Variants in HIP1 observed in about 807,000 individuals in gnomAD.
The protein encoded by HIP1 is huntingtin-interacting protein 1.
In HIP1, 65 loss-of-function variants were observed where a neutral mutation model predicts 147.6. The observed-to-expected ratio is 0.44, with a 90% CI of 0.36 to 0.54. The LOEUF (loss-of-function observed/expected upper bound fraction) is 0.54. HIP1 is among the 20% of genes least tolerant of loss of function. The probability of loss-of-function intolerance (pLI) is 0.00; values close to 1 mark genes in which losing one functional copy is unlikely to be tolerated. For synonymous variants in HIP1, 479 were observed against 504.0 expected (o/e 0.95, Z 0.67); for missense variants, 1,061 against 1,299.6 (o/e 0.82, Z 2.82).
chr7:75,550,186 T>C (rs1584782904), intron 22 of HIP1, among the ~76,000 whole-genome samples: 2 of 152,152 alleles, frequency 1.3e-5, no homozygotes, highest in South Asian at 4.1e-4. Flanking sequence ...TAAAACATGA[T>C]GTGTTATACA....
In HIP1 at chr7:75,556,308, G is replaced by A. The variant is rs587768224; in HGVS notation, c.1684-139C>T. On this transcript the variant is annotated intron_variant, in intron 17 of 30. Coordinates refer to ENST00000336926, the MANE Select transcript of HIP1 (RefSeq NM_005338.7). ...TAACCTGCCACTCTGATTCCCTCCC[G>A]GGGACACACTGATTGCAGTGGGGGC... The A allele has an allele frequency of 3.5e-5, 38 of 1,071,052 alleles. No individual in the cohort carries two copies. The African/African-American group carries it at 4.9e-4, about 14-fold the overall frequency. 66.3% of individuals were successfully genotyped at this position (1,071,052 alleles called of 1,614,324 possible). A position where few individuals can be genotyped will look rare whatever the true frequency, so the allele number is the denominator to read the frequency against.
chr7:75,663,028 A>G (rs1799365292), intron 1 of HIP1, among the ~76,000 whole-genome samples: 1 of 152,178 alleles, frequency 6.6e-6, no homozygotes, highest in African/African-American at 2.4e-5. Context: ...TGCAAGCCAC[A>G]GTTGCCCATC....
chr7:75,551,834 T>G (rs1010267735), intron 22 of HIP1, among the ~76,000 whole-genome samples: 1 of 152,150 alleles, frequency 6.6e-6, no homozygotes, highest in Non-Finnish European at 1.5e-5. Flanking sequence ...CTGGATGTGG[T>G]CTTTTTATTA....
At chr7:75,612,080 G>C (rs1797458740) in intron 1 of HIP1, among the ~76,000 whole-genome samples, 1 of 152,258 alleles carries the variant, frequency 6.6e-6, no homozygotes, top group South Asian at 2.1e-4. Flanking sequence ...CCAAGGCCAG[G>C]CTGGCTCACA....
intron 22 of HIP1, among the ~76,000 whole-genome samples, chr7:75,550,427 A>G (rs1554491896): frequency 6.6e-6 from 1 of 152,066 alleles, no homozygotes; most frequent in East Asian, 1.9e-4. Context: ...TTTATTTTTT[A>G]AAGACAAAAC....
intron 1 of HIP1, among the ~76,000 whole-genome samples, chr7:75,729,406 G>T (rs1801760667): frequency 6.6e-6 from 1 of 150,826 alleles, no homozygotes; most frequent in Non-Finnish European, 1.5e-5. Flanking sequence ...AGAATCACTT[G>T]AGCCCAGGAA....
At chr7:75,680,295 G>C (rs543172121) in intron 1 of HIP1, among the ~76,000 whole-genome samples, 1 of 151,918 alleles carries the variant, frequency 6.6e-6, no homozygotes, top group Non-Finnish European at 1.5e-5. Context: ...TGCCCGCCTC[G>C]GCCTCCCAAA....
intron 1 of HIP1, among the ~76,000 whole-genome samples, chr7:75,651,996 G>A (rs571077347): frequency 9.3e-4 from 136 of 146,268 alleles, no homozygotes; most frequent in Non-Finnish European, 6.1e-4. Flanking sequence ...GCGACAGAGC[G>A]AGACTCTGTC....
chr7:75,544,668 G>T (rs782033418), intron 27 of HIP1, 27 bp downstream of exon 27: 3 of 1,378,866 alleles, frequency 2.2e-6, no homozygotes, highest in Non-Finnish European at 3.1e-6. Context: ...GCCTTCCAGC[G>T]TCCTAGGAGG....
intron 1 of HIP1, among the ~76,000 whole-genome samples, chr7:75,704,444 A>G (rs1479178941): frequency 2.6e-5 from 4 of 152,092 alleles, no homozygotes; most frequent in African/African-American, 9.7e-5. Flanking sequence ...GGGTTTCTTC[A>G]TGTTGGTCAG....
At chr7:75,544,993 A>T in intron 26 of HIP1, 95 bp downstream of exon 26, 1 of 839,246 alleles carries the variant, frequency 1.2e-6, no homozygotes, top group South Asian at 1.6e-5. Context: ...TTTATTTCTA[A>T]GGGACAGATT....
At chr7:75,732,139 C>T (rs968643851) in intron 1 of HIP1, among the ~76,000 whole-genome samples, 3 of 152,082 alleles carry the variant, frequency 2.0e-5, no homozygotes, top group Admixed American at 6.5e-5. Context: ...TCGGTTCACT[C>T]GCTGTGTGAC....
Position 75,580,582 on chromosome 7 carries a change from T to C in HIP1, c.604+655A>G, listed in dbSNP as rs111414188. Among the ~76,000 whole-genome samples the C allele has an allele frequency of 8.2e-4, 124 of 151,928 alleles. 1 individual carries two copies. Among genetic ancestry groups the C allele is most frequent in the African/African-American group, 2.7e-3 (113 of 41,452 alleles). On this transcript the variant is annotated intron_variant, in intron 7 of 30. Coordinates refer to ENST00000336926, the MANE Select transcript of HIP1 (RefSeq NM_005338.7). ...GTGAGACCCCTATCTCTGCAAAAAA[T>C]ATAAAAAATCAGCCAGATGTGGTGG...
At chr7:75,678,628 GC>G (rs1229858052) in intron 1 of HIP1, among the ~76,000 whole-genome samples, 1 of 152,218 alleles carries the variant, frequency 6.6e-6, no homozygotes, top group African/African-American at 2.4e-5. Context: ...ACAGGTGTGA[GC>G]CACTGCGTCT....
intron 1 of HIP1, among the ~76,000 whole-genome samples, chr7:75,637,763 T>G (rs917100133): frequency 7.9e-5 from 12 of 151,740 alleles, no homozygotes; most frequent in African/African-American, 2.9e-4. Flanking sequence ...AGTCTGAGAC[T>G]GATGCAGGCC....
rs781883031 is a variant in HIP1 at position 75,546,979 on chromosome 7, G to A, written c.2519C>T (p.Ala840Val). The A allele has an allele frequency of 8.6e-5, 136 of 1,586,010 alleles. No individual in the cohort carries two copies. Among genetic ancestry groups the A allele is most frequent in the Non-Finnish European group, 1.1e-4 (131 of 1,165,214 alleles). Residue 840 changes from alanine (A) to valine (V), a missense_variant, in exon 25 of 31, where the codon GCC (alanine) becomes GTC (valine). Physicochemically the swap from Ala to Val is moderately conservative, Grantham distance 64. Coordinates refer to ENST00000336926, the MANE Select transcript of HIP1 (RefSeq NM_005338.7). ...AATCTCTCTCTGGAGGTCCTTAGAG[G>A]CCACGATGAGCACCTGAATAGCTTG... ...LMQAIQVLIV[A>V]SKDLQREIVE... is the part of the protein sequence containing the mutation.
Position 75,617,612 on chromosome 7 carries a change from C to T in HIP1, c.121-18365G>A, listed in dbSNP as rs77110646. Among the ~76,000 whole-genome samples, 706 of 152,246 alleles carry T rather than the reference C, an allele frequency of 4.6e-3. 12 individuals are homozygous for T. The East Asian group carries it at 0.062, about 13-fold the overall frequency. On this transcript the variant is annotated intron_variant, in intron 1 of 30. Transcript: ENST00000336926. Reference sequence around the variant, plus strand: ...ATAAGAGAACATCTGTGATGACCTTCGGGGTGCCCACTTAGGCTTTCAAAG... The same window carrying T: ...ATAAGAGAACATCTGTGATGACCTTTGGGGTGCCCACTTAGGCTTTCAAAG...
intron 2 of HIP1, among the ~76,000 whole-genome samples, chr7:75,597,622 C>A (rs1312856854): frequency 2.0e-5 from 3 of 151,128 alleles, no homozygotes; most frequent in Non-Finnish European, 4.4e-5. Flanking sequence ...CACCTGTGGT[C>A]CCAGCTACTT....
intron 1 of HIP1, among the ~76,000 whole-genome samples, chr7:75,663,977 T>C (rs781832734): frequency 2.5e-3 from 60 of 23,672 alleles, no homozygotes; most frequent in Middle Eastern, 0.025. Context: ...TATATACACA[T>C]ATATGTGTAT....
Sources: allele counts gnomAD v4.1 joint callset (sites outside exome capture counted in the v4.1 genomes callset), GRCh38; gene constraint gnomAD v4.1.1; transcripts MANE v1.5; gene names NCBI Gene and HGNC (gene_info 2026-07-23, HGNC 2026-07-21).